Variants in ROBO1 observed in about 807,000 individuals in gnomAD.
The protein encoded by ROBO1 is roundabout guidance receptor 1.
Under a neutral mutation model 195.9 loss-of-function variants are expected in ROBO1, and 149 were observed. The ratio of observed to expected loss-of-function variants is 0.76; its 90% CI spans 0.67 to 0.87. The LOEUF is 0.87. Ranked by LOEUF, ROBO1 falls within the 40% of genes least tolerant of loss-of-function variation. The pLI, the probability that ROBO1 is intolerant of heterozygous loss-of-function variation, is 0.00. For synonymous variants in ROBO1, 816 were observed against 733.2 expected (o/e 1.11, Z -1.82); for missense variants, 1,933 against 2,068.3 (o/e 0.93, Z 1.27).
intron 5 of ROBO1, among the ~76,000 whole-genome samples, chr3:78,721,361 G>A (rs911446128): frequency 6.6e-6 from 1 of 152,174 alleles, no homozygotes; most frequent in Non-Finnish European, 1.5e-5. Context: ...AAAAGAGGAA[G>A]ATGAAAAATC....
intron 5 of ROBO1, among the ~76,000 whole-genome samples, chr3:78,734,376 C>A (rs1056919259): frequency 1.5e-5 from 2 of 136,726 alleles, no homozygotes; most frequent in South Asian, 4.9e-4. Flanking sequence ...ACCTTGGCAA[C>A]ATGGTGAGAC....
chr3:79,496,557 G>GTAT (rs1044440278), intron 2 of ROBO1, among the ~76,000 whole-genome samples: 4 of 147,136 alleles, frequency 2.7e-5, no homozygotes, highest in Non-Finnish European at 4.5e-5. Context: ...CTAATTTTTT[G>GTAT]TATTTTTTTT....
At chr3:79,636,773 T>C (rs1945508228) in intron 1 of ROBO1, among the ~76,000 whole-genome samples, 1 of 152,150 alleles carries the variant, frequency 6.6e-6, no homozygotes, top group African/African-American at 2.4e-5. Flanking sequence ...CAAAAGAAGA[T>C]TTGAGATGAC....
chr3:79,535,597 A>G (rs970815421), intron 2 of ROBO1, among the ~76,000 whole-genome samples: 7 of 152,288 alleles, frequency 4.6e-5, no homozygotes, highest in Middle Eastern at 3.4e-3. Context: ...TTTTGGCAGC[A>G]AAGTTATGAG....
intron 22 of ROBO1, 62 bp from the exon 23 acceptor site, chr3:78,636,170 T>G (rs79715818): frequency 0.046 from 55,719 of 1,223,962 alleles, 1,378 homozygotes; most frequent in Non-Finnish European, 0.052. Context: ...TTTAAATTTC[T>G]TTTTACGTAG....
chr3:79,265,924 G>A (rs1256181271), intron 2 of ROBO1, among the ~76,000 whole-genome samples: 1 of 151,228 alleles, frequency 6.6e-6, no homozygotes, highest in African/African-American at 2.4e-5. Context: ...ATAACAAAAT[G>A]TGAAACAACA....
chr3:78,677,737 A>G (rs1708526084), intron 10 of ROBO1, among the ~76,000 whole-genome samples: 1 of 152,110 alleles, frequency 6.6e-6, no homozygotes, highest in Non-Finnish European at 1.5e-5. Flanking sequence ...CGACTTTAAC[A>G]CCCCACTGTC....
intron 1 of ROBO1, among the ~76,000 whole-genome samples, chr3:79,722,906 T>C (rs186889387): frequency 1.3e-5 from 2 of 152,276 alleles, no homozygotes; most frequent in Admixed American, 6.5e-5. Context: ...GTCTGGAGAA[T>C]AGGTACCAGT....
intron 5 of ROBO1, among the ~76,000 whole-genome samples, chr3:78,725,924 T>C (rs1223004754): frequency 2.6e-5 from 2 of 78,262 alleles, no homozygotes; most frequent in Non-Finnish European, 2.4e-5. Flanking sequence ...GCAGTATCTG[T>C]TACACAGGAA....
At chr3:79,179,901 G>GTT (rs1364971863) in intron 2 of ROBO1, among the ~76,000 whole-genome samples, 1 of 152,166 alleles carries the variant, frequency 6.6e-6, no homozygotes, top group African/African-American at 2.4e-5. Context: ...TGCAGAGATT[G>GTT]TAAAACTGGC....
chr3:79,446,274 C>T (rs2039252400), intron 2 of ROBO1, among the ~76,000 whole-genome samples: 1 of 152,062 alleles, frequency 6.6e-6, no homozygotes, highest in African/African-American at 2.4e-5. Flanking sequence ...ATAAATTATT[C>T]AAATCCGCAG....
chr3:78,895,580 T>C (rs1469166104), intron 4 of ROBO1, among the ~76,000 whole-genome samples: 1 of 152,216 alleles, frequency 6.6e-6, no homozygotes, highest in Non-Finnish European at 1.5e-5. Context: ...CTTATTTAAC[T>C]GGATGACCAA....
chr3:79,072,511 T>C (rs1435810346), intron 3 of ROBO1, among the ~76,000 whole-genome samples: 2 of 151,946 alleles, frequency 1.3e-5, no homozygotes, highest in Non-Finnish European at 2.9e-5. Flanking sequence ...GAATGGTTTA[T>C]GTCCAATCAA....
At chr3:79,003,362 T>C (rs2077549577) in intron 3 of ROBO1, among the ~76,000 whole-genome samples, 1 of 152,080 alleles carries the variant, frequency 6.6e-6, no homozygotes. Flanking sequence ...CACCCAGAAC[T>C]AACATAAACT....
intron 7 of ROBO1, among the ~76,000 whole-genome samples, chr3:78,715,873 A>G (rs559255713): frequency 2.6e-5 from 4 of 152,280 alleles, no homozygotes; most frequent in African/African-American, 9.6e-5. Flanking sequence ...ACCTATCTAT[A>G]CTAACACTCT....
At chr3:79,307,263 C>G (rs568563521) in intron 2 of ROBO1, among the ~76,000 whole-genome samples, 13 of 152,078 alleles carry the variant, frequency 8.5e-5, no homozygotes, top group East Asian at 1.9e-4. Flanking sequence ...ATGTCCAGTT[C>G]AAACTATAGA....
intron 4 of ROBO1, among the ~76,000 whole-genome samples, chr3:78,799,564 AT>A (rs1325974211): frequency 6.6e-6 from 1 of 151,602 alleles, no homozygotes; most frequent in Non-Finnish European, 1.5e-5. Flanking sequence ...GATGGTCTCG[AT>A]CTCCTGACCT....
At chr3:79,512,928 C>G (rs1320248744) in intron 2 of ROBO1, 2 of 152,100 alleles carry the variant, frequency 1.3e-5, no homozygotes, top group African/African-American at 4.8e-5. Context: ...CAGAAAAAGT[C>G]ATGATTTAAA....
chr3:79,323,545 A>G (rs111474975), intron 2 of ROBO1, among the ~76,000 whole-genome samples: 30 of 152,308 alleles, frequency 2.0e-4, no homozygotes, highest in African/African-American at 7.2e-4. Flanking sequence ...TTTACTAATT[A>G]TATCATCAAT....
Sources: gnomAD v4.1 joint callset for allele counts (sites outside exome capture counted in the v4.1 genomes callset) on GRCh38, gnomAD v4.1.1 for gene constraint, MANE v1.5 for transcripts, NCBI Gene and HGNC (gene_info 2026-07-23, HGNC 2026-07-21) for gene names.